The following DOCK4 variants were observed in gnomAD, a reference collection of about 807,000 sequenced individuals.
DOCK4 encodes the protein dedicator of cytokinesis protein 4.
Under a neutral mutation model 268.1 loss-of-function variants are expected in DOCK4, and 97 were observed. That is an observed-to-expected ratio of 0.36 (90% CI 0.31 to 0.43). The LOEUF is 0.43. Among genes scored for constraint, DOCK4 ranks in the 20% least tolerant of loss-of-function variants. The probability of loss-of-function intolerance (pLI) is 1.00; values close to 1 mark genes in which losing one functional copy is unlikely to be tolerated. For synonymous variants in DOCK4, 954 were observed against 887.2 expected, an observed-to-expected ratio of 1.08 and a Z score of -1.34; for missense variants, 2,145 against 2,455.7, an observed-to-expected ratio of 0.87 and a Z score of 2.67.
chr7:112,187,346 T>C (rs1819563503), intron 1 of DOCK4, among the ~76,000 whole-genome samples: 2 of 152,172 alleles, frequency 1.3e-5, no homozygotes. Context: ...AAAAAGACAT[T>C]ATCTCCATCA....
intron 26 of DOCK4, among the ~76,000 whole-genome samples, chr7:111,832,201 G>C (rs1802872193): frequency 6.6e-6 from 1 of 152,218 alleles, no homozygotes; most frequent in Non-Finnish European, 1.5e-5. Flanking sequence ...GAATGTTCCA[G>C]CCAAATATAT....
Position 111,728,267 on chromosome 7 carries a change from A to G in DOCK4, c.*7T>C. 1 of 1,476,862 alleles carries G rather than the reference A, an allele frequency of 6.8e-7. No homozygotes were observed. The highest frequency in any genetic ancestry group is 9.0e-7 in the Non-Finnish European group (1 of 1,113,406). The allele number at this position is 1,476,862 out of a possible 1,614,324, so 91.5% of individuals were successfully genotyped here. ...AAGAATGCATCGCAGGTACATAGAA[A>G]AGTGACTTATAACTGAGAGACCTTG... On this transcript the variant is annotated 3_prime_UTR_variant, in exon 53 of 53. Transcript: ENST00000428084.
chr7:112,104,772 G>A (rs968559259), intron 1 of DOCK4, among the ~76,000 whole-genome samples: 1 of 152,178 alleles, frequency 6.6e-6, no homozygotes, highest in Non-Finnish European at 1.5e-5. Context: ...TGGGGAGAAT[G>A]CTATAGAGTG....
At chr7:112,085,239 A>G (rs185639135) in intron 1 of DOCK4, among the ~76,000 whole-genome samples, 13 of 152,260 alleles carry the variant, frequency 8.5e-5, no homozygotes, top group East Asian at 3.9e-4. Context: ...AGGATGCTCA[A>G]GAGAGCAATT....
At chr7:112,149,105 G>A (rs1019886958) in intron 1 of DOCK4, among the ~76,000 whole-genome samples, 9 of 152,162 alleles carry the variant, frequency 5.9e-5, no homozygotes, top group African/African-American at 2.2e-4. Context: ...TTTTTGGCAG[G>A]TACATCATAG....
intron 1 of DOCK4, among the ~76,000 whole-genome samples, chr7:112,181,639 C>CAAGAAAAAAAAAA (rs1819048607): frequency 1.5e-5 from 1 of 65,370 alleles, no homozygotes; most frequent in Non-Finnish European, 2.6e-5. Flanking sequence ...GACACTGTCT[C>CAAGAAAAAAAAAA]AAAAAAAAAA....
At chr7:111,818,958 G>C (rs1257093325) in intron 27 of DOCK4, among the ~76,000 whole-genome samples, 1 of 152,172 alleles carries the variant, frequency 6.6e-6, no homozygotes, top group Non-Finnish European at 1.5e-5. Context: ...GGTGCTCTTT[G>C]TCTTTATAGT....
At chr7:111,904,692 G>A (rs894883301) in intron 13 of DOCK4, among the ~76,000 whole-genome samples, 1 of 152,112 alleles carries the variant, frequency 6.6e-6, no homozygotes, top group African/African-American at 2.4e-5. Flanking sequence ...AGGAGATACA[G>A]GTTCTAGTCT....
intron 10 of DOCK4, 104 bp from the exon 11 acceptor site, chr7:111,940,346 G>A (rs1562916687): frequency 2.0e-6 from 3 of 1,485,632 alleles, no homozygotes; most frequent in East Asian, 2.3e-5. Flanking sequence ...AATGTAATTG[G>A]GCAATAAAGA....
At chr7:112,027,988 T>C (rs914439596) in intron 1 of DOCK4, among the ~76,000 whole-genome samples, 3 of 152,258 alleles carry the variant, frequency 2.0e-5, no homozygotes, top group South Asian at 2.1e-4. Flanking sequence ...GGGCAGTACA[T>C]AGAAGAGGAT....
intron 35 of DOCK4, among the ~76,000 whole-genome samples, chr7:111,782,519 A>G (rs1324405786): frequency 6.6e-6 from 1 of 152,202 alleles, no homozygotes. Context: ...AAAGACCTCT[A>G]ACAGGGGATA....
At chr7:111,779,168 A>G (rs1304391629) in intron 35 of DOCK4, among the ~76,000 whole-genome samples, 1 of 152,098 alleles carries the variant, frequency 6.6e-6, no homozygotes, top group Admixed American at 6.6e-5. Flanking sequence ...GGTAAATAAA[A>G]AGGCTCTTTA....
At chr7:112,096,117 A>G (rs1810107763) in intron 1 of DOCK4, among the ~76,000 whole-genome samples, 1 of 152,096 alleles carries the variant, frequency 6.6e-6, no homozygotes, top group African/African-American at 2.4e-5. Flanking sequence ...ATAATTAAAT[A>G]GGGTCTTTTG....
intron 36 of DOCK4, among the ~76,000 whole-genome samples, chr7:111,775,870 A>G (rs1160714747): frequency 6.6e-6 from 1 of 152,258 alleles, no homozygotes; most frequent in African/African-American, 2.4e-5. Flanking sequence ...AGAGAGGATC[A>G]AGCCTTGGCT....
At chr7:112,166,913 G>A (rs1179691052) in intron 1 of DOCK4, among the ~76,000 whole-genome samples, 1 of 151,746 alleles carries the variant, frequency 6.6e-6, no homozygotes, top group Non-Finnish European at 1.5e-5. Flanking sequence ...TGATCCTCCT[G>A]CCCCAGCCTT....
intron 15 of DOCK4, among the ~76,000 whole-genome samples, chr7:111,900,142 G>C (rs1038598555): frequency 6.6e-6 from 1 of 152,204 alleles, no homozygotes; most frequent in Non-Finnish European, 1.5e-5. Context: ...ATCTGTGTGA[G>C]AGCTGGATCA....
intron 9 of DOCK4, among the ~76,000 whole-genome samples, chr7:111,945,109 T>C (rs1795514388): frequency 6.6e-6 from 1 of 152,248 alleles, no homozygotes; most frequent in Middle Eastern, 3.2e-3. Flanking sequence ...AATCTCTCAC[T>C]CATTCATTCT....
intron 1 of DOCK4, among the ~76,000 whole-genome samples, chr7:112,133,100 A>G (rs1000181243): frequency 1.3e-5 from 2 of 152,180 alleles, no homozygotes; most frequent in African/African-American, 4.8e-5. Flanking sequence ...CTAGGTCTTC[A>G]TTCCAACCCA....
chr7:111,797,433 A>G (rs151003727), intron 30 of DOCK4, among the ~76,000 whole-genome samples: 81 of 152,320 alleles, frequency 5.3e-4, no homozygotes, highest in Non-Finnish European at 1.0e-3. Flanking sequence ...TAACTCATGT[A>G]TTTCACCTCA....
Sources: allele counts gnomAD v4.1 joint callset (sites outside exome capture counted in the v4.1 genomes callset), GRCh38; gene constraint gnomAD v4.1.1; transcripts MANE v1.5; gene names NCBI Gene and HGNC (gene_info 2026-07-23, HGNC 2026-07-21).